Variants in SH3RF2 observed in about 807,000 individuals in gnomAD.
SH3RF2 encodes SH3 domain containing ring finger 2.
A neutral mutation model predicts 59.0 loss-of-function variants in SH3RF2; 43 were observed. That is an observed-to-expected ratio of 0.73 (90% CI 0.57 to 0.94). The LOEUF (loss-of-function observed/expected upper bound fraction) is 0.94, where lower values mean the gene tolerates loss of function less well. SH3RF2 is among the 40% of genes least tolerant of loss of function. The pLI, the probability that SH3RF2 is intolerant of heterozygous loss-of-function variation, is 0.00. For missense variants in SH3RF2, 930 were observed against 940.1 expected (o/e 0.99, Z 0.14); for synonymous variants, 391 against 391.5 (o/e 1.00, Z 0.01).
chr5:145,973,418 C>T (rs1018664575), intron 2 of SH3RF2, among the ~76,000 whole-genome samples: 12 of 152,108 alleles, frequency 7.9e-5, no homozygotes, highest in African/African-American at 2.7e-4. Flanking sequence ...GGTCAGAAAC[C>T]AATTGAACTT....
At chr5:145,993,882 C>T (rs1409663896) in intron 2 of SH3RF2, among the ~76,000 whole-genome samples, 1 of 152,262 alleles carries the variant, frequency 6.6e-6, no homozygotes, top group Non-Finnish European at 1.5e-5. Context: ...CTGCAGCCTG[C>T]AGCGGGCTTC....
At chr5:146,073,044 G>GC (rs1291417990) in intron 9 of SH3RF2, among the ~76,000 whole-genome samples, 2 of 152,134 alleles carry the variant, frequency 1.3e-5, no homozygotes, top group African/African-American at 2.4e-5. Context: ...ATCTTCACAA[G>GC]CCCCCCATGA....
chr5:145,997,491 G>C, intron 2 of SH3RF2: 1 of 1,586,106 alleles, frequency 6.3e-7, no homozygotes, highest in Non-Finnish European at 8.7e-7. Flanking sequence ...AGTACAATTT[G>C]GGAAAGATGC....
downstream of SH3RF2, among the ~76,000 whole-genome samples, chr5:146,065,112 A>C (rs1763072224): frequency 6.6e-6 from 1 of 152,176 alleles, no homozygotes; most frequent in East Asian, 1.9e-4. Flanking sequence ...AGCCAACATG[A>C]CAGCACGTTG....
chr5:146,064,768 AAGGAAGGAAAGGAAGG>A (rs1763037968), downstream of SH3RF2, among the ~76,000 whole-genome samples: 6 of 42,550 alleles, frequency 1.4e-4, no homozygotes, highest in African/African-American at 4.3e-4. Flanking sequence ...GGAAGGAAGG[AAGGAAGGAAAGGAAGG>A]AAGGAAGGAA....
intron 2 of SH3RF2, among the ~76,000 whole-genome samples, chr5:145,988,596 A>T (rs1759806385): frequency 6.6e-6 from 1 of 152,138 alleles, no homozygotes; most frequent in African/African-American, 2.4e-5. Context: ...ATGAGTTCTT[A>T]ACTATTGCAT....
At chr5:145,963,999 AT>A (rs1045110446) in intron 2 of SH3RF2, among the ~76,000 whole-genome samples, 4 of 150,922 alleles carry the variant, frequency 2.7e-5, no homozygotes, top group Non-Finnish European at 4.4e-5. Flanking sequence ...CGCCCGGCTA[AT>A]TTTTTGTATT....
At chr5:146,074,813 T>A (rs1486572115) in intron 9 of SH3RF2, among the ~76,000 whole-genome samples, 1 of 151,376 alleles carries the variant, frequency 6.6e-6, no homozygotes, top group Non-Finnish European at 1.5e-5. Flanking sequence ...TGTCTCCCCC[T>A]CACTCCCCCA....
At chr5:146,041,073 A>G (rs1762108757) in intron 5 of SH3RF2, among the ~76,000 whole-genome samples, 1 of 152,036 alleles carries the variant, frequency 6.6e-6, no homozygotes. Context: ...TACAGAAAGG[A>G]CTCTGAGCCT....
At chr5:146,065,084 G>C (rs576166947), downstream of SH3RF2, among the ~76,000 whole-genome samples, 1 of 152,266 alleles carries the variant, frequency 6.6e-6, no homozygotes, top group East Asian at 1.9e-4. Flanking sequence ...CATTGTGTCA[G>C]ACCTTTGGGG....
At chr5:145,973,458 T>C (rs55671381) in intron 2 of SH3RF2, among the ~76,000 whole-genome samples, 12,935 of 152,238 alleles carry the variant, frequency 0.085, 1,875 homozygotes, top group African/African-American at 0.29. Context: ...TGAGGCTCTT[T>C]CACTCTTTCA....
chr5:145,951,664 C>G (rs1758197837), intron 2 of SH3RF2, among the ~76,000 whole-genome samples: 1 of 152,150 alleles, frequency 6.6e-6, no homozygotes. Context: ...CACCTCTGAA[C>G]AGCAATATTA....
intron 5 of SH3RF2, among the ~76,000 whole-genome samples, chr5:146,024,764 C>T (rs1188203995): frequency 6.6e-6 from 1 of 152,136 alleles, no homozygotes; most frequent in African/African-American, 2.4e-5. Flanking sequence ...CATTCTTCTA[C>T]CTGTAGATAT....
chr5:145,940,349 G>T (rs1757770736), intron 2 of SH3RF2, among the ~76,000 whole-genome samples: 1 of 152,188 alleles, frequency 6.6e-6, no homozygotes, highest in South Asian at 2.1e-4. Context: ...CCTCAGTGGG[G>T]ATATGAACAA....
intron 3 of SH3RF2, among the ~76,000 whole-genome samples, chr5:146,001,949 TCTTTTCCTAGTG>T (rs1389173809): frequency 6.6e-6 from 1 of 152,252 alleles, no homozygotes; most frequent in African/African-American, 2.4e-5. Context: ...CCAAAGCTGT[TCTTTTCCTAGTG>T]CTTTCTAGCT....
intron 5 of SH3RF2, among the ~76,000 whole-genome samples, chr5:146,017,375 G>A (rs1761144136): frequency 6.8e-6 from 1 of 147,064 alleles, no homozygotes. Context: ...TCTTTGGGGA[G>A]TCACATGTGC....
At chr5:146,011,211 A>C (rs1760877007) in intron 4 of SH3RF2, among the ~76,000 whole-genome samples, 1 of 152,082 alleles carries the variant, frequency 6.6e-6, no homozygotes, top group Admixed American at 6.6e-5. Context: ...GTTACTTCTG[A>C]GGCCTCTGTT....
At chr5:145,949,669 A>G (rs939477680) in intron 2 of SH3RF2, among the ~76,000 whole-genome samples, 5 of 152,176 alleles carry the variant, frequency 3.3e-5, no homozygotes, top group Admixed American at 6.5e-5. Flanking sequence ...GGAAGGAGGA[A>G]CAGAGGGAGA....
intron 7 of SH3RF2, among the ~76,000 whole-genome samples, chr5:146,053,266 A>T (rs1762559232): frequency 1.3e-5 from 2 of 152,150 alleles, no homozygotes; most frequent in South Asian, 4.1e-4. Flanking sequence ...ACCACAACTA[A>T]ATCTCTGCCA....
Sources: allele counts gnomAD v4.1 joint callset (sites outside exome capture counted in the v4.1 genomes callset), GRCh38; gene constraint gnomAD v4.1.1; transcripts MANE v1.5; gene names NCBI Gene and HGNC (gene_info 2026-07-23, HGNC 2026-07-21).